Variants in KIAA0825 observed in about 807,000 individuals in gnomAD.
The protein encoded by KIAA0825 is KIAA0825, also known as uncharacterized protein KIAA0825.
In KIAA0825, 119 loss-of-function variants were observed where a neutral mutation model predicts 147.6. The ratio of observed to expected loss-of-function variants is 0.81; its 90% CI spans 0.69 to 0.94. KIAA0825 has a LOEUF of 0.94. Among genes scored for constraint, KIAA0825 ranks in the 40% least tolerant of loss-of-function variants. The probability of loss-of-function intolerance (pLI) is 0.00; values close to 1 mark genes in which losing one functional copy is unlikely to be tolerated. For synonymous variants in KIAA0825, 470 were observed against 518.1 expected (o/e 0.91, Z 1.26); for missense variants, 1,381 against 1,472.7 (o/e 0.94, Z 1.02).
intron 20 of KIAA0825, among the ~76,000 whole-genome samples, chr5:94,279,538 A>G (rs1777368746): frequency 6.6e-6 from 1 of 151,950 alleles, no homozygotes; most frequent in South Asian, 2.1e-4. Context: ...ATCATCCATC[A>G]TTCCTCTTCC....
intron 5 of KIAA0825, among the ~76,000 whole-genome samples, chr5:94,507,019 C>T (rs994011270): frequency 3.9e-5 from 6 of 152,028 alleles, no homozygotes; most frequent in Admixed American, 3.3e-4. Flanking sequence ...GTATCATACA[C>T]AACAAAATAC....
At chr5:94,228,552 T>G (rs1423430395) in intron 20 of KIAA0825, among the ~76,000 whole-genome samples, 1 of 152,158 alleles carries the variant, frequency 6.6e-6, no homozygotes, top group Non-Finnish European at 1.5e-5. Flanking sequence ...TTCCAGAAGC[T>G]CTGCTCAGCA....
intron 20 of KIAA0825, among the ~76,000 whole-genome samples, chr5:94,227,346 A>G (rs1313478087): frequency 3.0e-4 from 46 of 151,864 alleles, no homozygotes; most frequent in African/African-American, 1.1e-3. Context: ...GAATTGAACA[A>G]TGAGAACACA....
intron 14 of KIAA0825, among the ~76,000 whole-genome samples, chr5:94,423,307 T>C (rs932061327): frequency 1.3e-5 from 2 of 152,220 alleles, no homozygotes; most frequent in Non-Finnish European, 2.9e-5. Flanking sequence ...AGATGCTACT[T>C]TGAATTTCAT....
chr5:94,492,214 C>T (rs1290363044), intron 5 of KIAA0825, among the ~76,000 whole-genome samples: 3 of 152,198 alleles, frequency 2.0e-5, no homozygotes, highest in Non-Finnish European at 4.4e-5. Flanking sequence ...GAGGGGCTAA[C>T]ACACAGAAGC....
chr5:94,587,811 G>A (rs1783595634), intron 1 of KIAA0825, among the ~76,000 whole-genome samples: 2 of 152,184 alleles, frequency 1.3e-5, no homozygotes, highest in Admixed American at 6.5e-5. Context: ...GAAGGCTACA[G>A]TAACCAAAAC....
intron 20 of KIAA0825, among the ~76,000 whole-genome samples, chr5:94,254,010 C>T (rs1406534869): frequency 1.3e-5 from 2 of 152,082 alleles, no homozygotes; most frequent in African/African-American, 4.8e-5. Flanking sequence ...GCGTAAGAGC[C>T]GTTCCTAATC....
intron 6 of KIAA0825, among the ~76,000 whole-genome samples, chr5:94,480,383 A>G (rs1170700672): frequency 6.6e-6 from 1 of 152,106 alleles, no homozygotes; most frequent in African/African-American, 2.4e-5. Context: ...ACCCTATTTA[A>G]AAGTTTTCAG....
At chr5:94,381,144 T>C (rs546822370) in intron 20 of KIAA0825, among the ~76,000 whole-genome samples, 27 of 152,344 alleles carry the variant, frequency 1.8e-4, no homozygotes, top group Middle Eastern at 3.4e-3. Flanking sequence ...TGATACTTTT[T>C]CTGATCCTCA....
At chr5:94,219,483 G>A (rs1356686480) in intron 20 of KIAA0825, among the ~76,000 whole-genome samples, 1 of 152,122 alleles carries the variant, frequency 6.6e-6, no homozygotes, top group Non-Finnish European at 1.5e-5. Context: ...TATATCCCAT[G>A]TCACAATATT....
At chr5:94,198,679 T>G (rs967257484) in intron 20 of KIAA0825, among the ~76,000 whole-genome samples, 3 of 152,114 alleles carry the variant, frequency 2.0e-5, no homozygotes, top group Non-Finnish European at 1.5e-5. Context: ...GATGGGTTGA[T>G]AGGTGCAGCA....
At chr5:94,305,571 C>T (rs1171230800) in intron 20 of KIAA0825, among the ~76,000 whole-genome samples, 1 of 152,008 alleles carries the variant, frequency 6.6e-6, no homozygotes, top group African/African-American at 2.4e-5. Context: ...CAATGAAACA[C>T]TGTGATATCA....
chr5:94,326,464 T>G (rs184628943), intron 20 of KIAA0825, among the ~76,000 whole-genome samples: 3 of 152,268 alleles, frequency 2.0e-5, no homozygotes, highest in East Asian at 3.9e-4. Context: ...AAAGAAAAAC[T>G]ATATCGTTTC....
intron 15 of KIAA0825, among the ~76,000 whole-genome samples, chr5:94,404,012 A>G (rs138842640): frequency 6.6e-6 from 1 of 152,328 alleles, no homozygotes; most frequent in African/African-American, 2.4e-5. Context: ...AGATAACAGT[A>G]CATAATATTT....
At chr5:94,219,630 A>G (rs1773513633) in intron 20 of KIAA0825, among the ~76,000 whole-genome samples, 1 of 152,184 alleles carries the variant, frequency 6.6e-6, no homozygotes, top group Non-Finnish European at 1.5e-5. Flanking sequence ...CCTATATAGT[A>G]TAGTGTATTG....
In KIAA0825 at chr5:94,200,087, G is replaced by A. The variant is rs138745369; in HGVS notation, c.3711-45963C>T. Among the ~76,000 whole-genome samples the A allele has an allele frequency of 1.0e-2, 1,515 of 152,170 alleles. 19 individuals carry two copies. Among genetic ancestry groups the A allele is most frequent in the African/African-American group, 0.034 (1,415 of 41,506 alleles). On this transcript the variant is annotated intron_variant, in intron 20 of 20. Coordinates refer to ENST00000682413, the MANE Select transcript of KIAA0825 (RefSeq NM_001145678.3). ...GTGAGCCTTGGGGTTGGGCACCCAC[G>A]GCCATGTTCCACTGCAGCTGTCCCC...
intron 20 of KIAA0825, among the ~76,000 whole-genome samples, chr5:94,270,680 AG>A (rs1238352548): frequency 6.6e-6 from 1 of 152,130 alleles, no homozygotes; most frequent in Non-Finnish European, 1.5e-5. Context: ...CCAATGGAGA[AG>A]GGGGGAATTT....
chr5:94,258,041 G>A (rs1776326820), intron 20 of KIAA0825, among the ~76,000 whole-genome samples: 1 of 152,034 alleles, frequency 6.6e-6, no homozygotes, highest in Non-Finnish European at 1.5e-5. Flanking sequence ...CGTGTATGAT[G>A]TTAAAATGAA....
At chr5:94,577,059 T>G (rs889546968) in intron 2 of KIAA0825, among the ~76,000 whole-genome samples, 2 of 152,240 alleles carry the variant, frequency 1.3e-5, no homozygotes, top group African/African-American at 4.8e-5. Context: ...GCTCTTACAT[T>G]TTCTATTCTA....
Sources: gnomAD v4.1 joint callset for allele counts (sites outside exome capture counted in the v4.1 genomes callset) on GRCh38, gnomAD v4.1.1 for gene constraint, MANE v1.5 for transcripts, NCBI Gene and HGNC (gene_info 2026-07-23, HGNC 2026-07-21) for gene names.